RHCG: variants seen among roughly 807,000 people sequenced by gnomAD.
RHCG encodes ammonium transporter Rh type C.
Under a neutral mutation model 55.3 loss-of-function variants are expected in RHCG, and 39 were observed. The ratio of observed to expected loss-of-function variants is 0.70; its 90% confidence interval spans 0.55 to 0.92. The LOEUF (loss-of-function observed/expected upper bound fraction) is 0.92. Ranked by LOEUF, RHCG falls within the 40% of genes least tolerant of loss-of-function variation. RHCG has a pLI of 0.00. For missense variants in RHCG, 635 were observed against 627.9 expected, an observed-to-expected ratio of 1.01 and a Z score of -0.12; for synonymous variants, 250 against 246.8, an observed-to-expected ratio of 1.01 and a Z score of -0.12.
intron 1 of RHCG, among the ~76,000 whole-genome samples, chr15:89,491,470 C>T (rs1437381180): frequency 6.6e-6 from 1 of 152,094 alleles, no homozygotes; most frequent in Non-Finnish European, 1.5e-5. Context: ...ATGATGCTAC[C>T]TAAAATGATT....
intron 1 of RHCG, among the ~76,000 whole-genome samples, chr15:89,494,430 G>A (rs915682707): frequency 6.6e-6 from 1 of 152,118 alleles, no homozygotes. Flanking sequence ...CACTCTCAGA[G>A]GTGTCCTCTG....
At chr15:89,472,963 C>T in intron 9 of RHCG, 100 bp from the exon 10 acceptor site, 1 of 1,326,114 alleles carries the variant, frequency 7.5e-7, no homozygotes, top group East Asian at 2.9e-5. Context: ...GTGGCGAGCG[C>T]CACCTTGTGA....
chr15:89,489,245 C>T lies in RHCG; in HGVS notation c.185-2260G>A, dbSNP rs529103710. 2.1e-4 allele frequency among the ~76,000 whole-genome samples: 32 copies of T among 152,104 alleles called. 1 individual carries two copies. The East Asian group carries it at 6.2e-3, about 29-fold the overall frequency. On this transcript the variant is annotated intron_variant, in intron 1 of 10. Transcript: ENST00000268122. The stretch of plus-strand genomic sequence containing the variant: ...GATCCTCCCACCTCAGCCTCTGCAG[C>T]AGCTGGGATTACAGGCATGTGCCAC...
Position 89,487,134 on chromosome 15 carries a change from C to T in RHCG, c.185-149G>A. 3 of 654,396 alleles carry T rather than the reference C, an allele frequency of 4.6e-6. No individual in the cohort carries two copies. In the South Asian group the frequency reaches 8.4e-5, roughly 18 times the overall value. 40.5% of individuals were successfully genotyped at this position (654,396 alleles called of 1,614,324 possible). ...CACCATCCTAACCCGGTTCCCCCAC[C>T]CCCACCCCCACATCTGAACCCTGGG... On this transcript the variant is annotated intron_variant, in intron 1 of 10. Coordinates refer to ENST00000268122, the MANE Select transcript of RHCG (RefSeq NM_016321.3).
At chr15:89,486,435 G>A in intron 2 of RHCG, 1 of 460,110 alleles carries the variant, frequency 2.2e-6, no homozygotes, top group Non-Finnish European at 4.4e-6. Flanking sequence ...TGCCCCCAGA[G>A]GAAAGTCTAG....
intron 10 of RHCG, 150 bp downstream of exon 10, chr15:89,472,561 A>G: frequency 1.4e-6 from 1 of 706,878 alleles, no homozygotes; most frequent in African/African-American, 1.8e-5. Flanking sequence ...TGCCAACCCC[A>G]TGTGCCCACT....
chr15:89,480,124 C>T (rs1052137384), intron 4 of RHCG, 137 bp downstream of exon 4: 20 of 1,167,506 alleles, frequency 1.7e-5, no homozygotes, highest in Admixed American at 1.7e-4. Context: ...CAGCCATGCA[C>T]CATACCACGT....
chr15:89,476,062 C>T (rs540646269), intron 9 of RHCG, among the ~76,000 whole-genome samples: 3 of 151,642 alleles, frequency 2.0e-5, no homozygotes, highest in Admixed American at 6.6e-5. Context: ...CCCTCCCCTC[C>T]GCTTCTCTCT....
In RHCG at chr15:89,486,822, G is replaced by A; in HGVS notation, c.348C>T (p.Arg116=). The A allele has an allele frequency of 6.3e-7, 1 of 1,597,938 alleles. No homozygotes were observed. Among genetic ancestry groups the A allele is most frequent in the East Asian group, 2.2e-5 (1 of 44,468 alleles). ...MQGWFHFLQD[R]YIVVGVENLI... ...ACTTCTCCACGCCCACGACGATGTAGCGGTCTTGTAAGAAGTGGAACCAGC... is the reference window on the plus strand; with the variant it reads ...ACTTCTCCACGCCCACGACGATGTAACGGTCTTGTAAGAAGTGGAACCAGC... Residue 116 remains arginine (R), a synonymous_variant, in exon 2 of 11, where the codon CGC becomes CGT. Transcript: ENST00000268122.
chr15:89,485,259 T>C (rs993242654), intron 2 of RHCG, among the ~76,000 whole-genome samples: 1 of 152,352 alleles, frequency 6.6e-6, no homozygotes, highest in African/African-American at 2.4e-5. Context: ...TGATATATAT[T>C]ACAGGTGTTT....
intron 9 of RHCG, among the ~76,000 whole-genome samples, chr15:89,474,182 T>C (rs1961090294): frequency 2.0e-5 from 3 of 152,162 alleles, no homozygotes; most frequent in African/African-American, 7.2e-5. Flanking sequence ...AGAAAGGAAA[T>C]ATACCAGAAA....
Position 89,479,246 on chromosome 15 carries a change from T to C in RHCG, c.837+76A>G. The C allele has an allele frequency of 2.0e-6, 3 of 1,483,110 alleles. No homozygotes were observed. The South Asian group carries it at 3.8e-5, about 19-fold the overall frequency. The allele number at this position is 1,483,110 out of a possible 1,614,324, so 91.9% of individuals were successfully genotyped here. A position where few individuals can be genotyped will look rare whatever the true frequency, so the allele number is the denominator to read the frequency against. On this transcript the variant is annotated intron_variant, in intron 5 of 10. Transcript: ENST00000268122. ...ATGGGTGTGATGATCCCCTCAGAGGTGTTGGCAAGGCATGGTGATCAGCGC... is the reference window on the plus strand; with the variant it reads ...ATGGGTGTGATGATCCCCTCAGAGGCGTTGGCAAGGCATGGTGATCAGCGC...
In RHCG at chr15:89,477,073, C is replaced by T. The variant is rs1239116347; in HGVS notation, c.1237+9G>A. The T allele has an allele frequency of 1.2e-6, 2 of 1,614,070 alleles. No homozygotes were observed. Among genetic ancestry groups the T allele is most frequent in the East Asian group, 4.5e-5 (2 of 44,874 alleles). On this transcript the variant is annotated intron_variant, in intron 8 of 10. Transcript: ENST00000268122. This position sits in a 1 kb window ranked among gnomAD's most constrained non-coding sequence, Gnocchi z 4.5. ...ACCCCCCTTCTCTGGCTCAGCCATT[C>T]CTGCTCACCCACAATGATGCCACCC...
chr15:89,490,263 A>G (rs1036467356), intron 1 of RHCG, among the ~76,000 whole-genome samples: 27 of 152,236 alleles, frequency 1.8e-4, no homozygotes, highest in African/African-American at 6.5e-4. Flanking sequence ...CCTGAGGCCC[A>G]GGCCAAGGCC....
chr15:89,487,650 A>G (rs562466721), intron 1 of RHCG, among the ~76,000 whole-genome samples: 1 of 152,220 alleles, frequency 6.6e-6, no homozygotes, highest in Non-Finnish European at 1.5e-5. Context: ...CGGTTACTCC[A>G]TCTTCTGGGT....
chr15:89,483,248 G>A, intron 2 of RHCG, 31 bp from the exon 3 acceptor site: 3 of 1,490,158 alleles, frequency 2.0e-6, no homozygotes, highest in African/African-American at 1.4e-5. Flanking sequence ...GGAGAAGCTG[G>A]GGCAATAGCA....
At chr15:89,487,459 A>C (rs1961396659) in intron 1 of RHCG, among the ~76,000 whole-genome samples, 1 of 152,184 alleles carries the variant, frequency 6.6e-6, no homozygotes, top group South Asian at 2.1e-4. Flanking sequence ...GTCTGAGGCT[A>C]TGATGCCCTG....
intron 9 of RHCG, among the ~76,000 whole-genome samples, chr15:89,475,989 T>TTC (rs113912208): frequency 0.12 from 18,226 of 149,776 alleles, 3,362 homozygotes; most frequent in African/African-American, 0.4. Flanking sequence ...GACTTTGCAT[T>TTC]TCTCTCTCTC....
At chr15:89,484,521 C>T (rs1384558830) in intron 2 of RHCG, among the ~76,000 whole-genome samples, 1 of 152,142 alleles carries the variant, frequency 6.6e-6, no homozygotes, top group African/African-American at 2.4e-5. Flanking sequence ...GTGGCTCACA[C>T]CTGTAATCCC....
Sources: gnomAD v4.1 joint callset for allele counts (sites outside exome capture counted in the v4.1 genomes callset) on GRCh38, gnomAD v4.1.1 for gene constraint, Gnocchi (gnomAD v3.1) non-coding constraint, MANE v1.5 for transcripts, NCBI Gene and HGNC (gene_info 2026-07-23, HGNC 2026-07-21) for gene names.